PGAM1: variants seen among roughly 807,000 people sequenced by gnomAD.
PGAM1 encodes the protein phosphoglycerate mutase 1, also known as BPG-dependent PGAM 1.
Under a neutral mutation model 23.5 loss-of-function variants are expected in PGAM1, and 21 were observed. The observed-to-expected ratio is 0.89, with a 90% CI of 0.63 to 1.29. PGAM1 has a LOEUF of 1.29. Among genes scored for constraint, PGAM1 ranks in the 50% most tolerant of loss-of-function variants. The pLI is 0.00. For missense variants in PGAM1, 232 were observed against 336.3 expected (o/e 0.69, Z 2.42); for synonymous variants, 109 against 128.6 (o/e 0.85, Z 1.03).
At position 97,427,495 on chromosome 10, in the gene PGAM1, G is replaced by C. The variant is rs939739397; in HGVS notation, c.139+1049G>C. The C allele has an allele frequency of 4.9e-6, 5 of 1,026,014 alleles. No homozygotes were observed. In the African/African-American group the frequency reaches 6.9e-5, roughly 14 times the overall value. 63.6% of individuals were successfully genotyped at this position (1,026,014 alleles called of 1,614,324 possible). ...TATAGTTGGGAAAAGTGAGTATTTG[G>C]AAAGATGACTTGTCCAAGGTCATAT... On this transcript the variant is annotated intron_variant, in intron 1 of 3. Transcript: ENST00000334828.
rs1389904749 is a variant in PGAM1, at chr10:97,431,122, C to G, written c.582C>G (p.Val194=). 1.2e-6 allele frequency: 2 copies of G among 1,614,046 alleles called. No homozygotes were observed. The highest frequency in any genetic ancestry group is 1.3e-5 in the African/African-American group (1 of 74,922). Residue 194 remains valine, a synonymous_variant, in exon 3 of 4, where the codon GTC becomes GTG. Coordinates refer to ENST00000334828, the MANE Select transcript of PGAM1 (RefSeq NM_002629.4). The part of the protein sequence containing the change: ...AAHGNSLRGI[V]KHLEGLSEEA... Reference sequence around the variant, plus strand: ...ATGGCAACAGCCTCCGGGGCATTGTCAAGCATCTGGAGGGTATGTATGTTT... The same window carrying G: ...ATGGCAACAGCCTCCGGGGCATTGTGAAGCATCTGGAGGGTATGTATGTTT...
chr10:97,426,515 C>G (rs111558495), intron 1 of PGAM1, 69 bp downstream of exon 1: 1 of 1,486,504 alleles, frequency 6.7e-7, no homozygotes, highest in Non-Finnish European at 8.9e-7. Flanking sequence ...TGGCTGGCGT[C>G]TGCGCCCTCT....
chr10:97,430,992 C>T lies in PGAM1; in HGVS notation c.452C>T (p.Pro151Leu), dbSNP rs1589456865. 1 of 1,613,830 alleles carries T rather than the reference C, an allele frequency of 6.2e-7. No homozygotes were observed. Reference protein sequence around the residue: ...RYADLTEDQLPSCESLKDTIA... With the variant: ...RYADLTEDQLLSCESLKDTIA... ...GCAGACCTCACAGAAGATCAGCTAC[C>T]CTCCTGTGAGAGTCTGAAGGATACT... The change falls in exon 3 of 4, where the codon CCC (proline) becomes CTC (leucine). Residue 151 changes from proline (P) to leucine (L), a missense_variant. Pro to Leu is a moderately conservative substitution (Grantham distance 98, BLOSUM62 -3). Around this residue, in one of 3 missense-constraint regions of PGAM1, gnomAD observed 191 missense variants for 241.7 expected, o/e 0.79. Transcript: ENST00000334828.
intron 1 of PGAM1, among the ~76,000 whole-genome samples, chr10:97,428,319 C>T (rs555416142): frequency 8.5e-5 from 13 of 152,258 alleles, no homozygotes; most frequent in South Asian, 4.1e-4. Flanking sequence ...AGGGTTTGTA[C>T]AGCCTTGAAT....
chr10:97,431,171 G>C, intron 3 of PGAM1, 36 bp downstream of exon 3: 1 of 1,613,286 alleles, frequency 6.2e-7, no homozygotes, highest in Non-Finnish European at 8.5e-7. Context: ...CTCAAGGAAG[G>C]ATAAAGCAGA....
intron 1 of PGAM1, among the ~76,000 whole-genome samples, chr10:97,428,820 C>T (rs1845438594): frequency 6.6e-6 from 1 of 152,064 alleles, no homozygotes; most frequent in South Asian, 2.1e-4. Flanking sequence ...ATTAGTTCTC[C>T]CCAGCCCTCA....
intron 1 of PGAM1, among the ~76,000 whole-genome samples, chr10:97,428,402 G>T (rs1199953739): frequency 2.0e-5 from 3 of 152,172 alleles, no homozygotes; most frequent in African/African-American, 7.2e-5. Context: ...GGATGGCCTG[G>T]GGGAGGATGG....
At position 97,427,418 on chromosome 10, in the gene PGAM1, T is replaced by A. The variant is rs542860487; in HGVS notation, c.139+972T>A. 2.1e-4 allele frequency: 215 copies of A among 1,011,390 alleles called. 2 individuals carry two copies. The South Asian group carries it at 7.6e-3, about 36-fold the overall frequency. The allele number at this position is 1,011,390 out of a possible 1,614,324, so 62.7% of individuals were successfully genotyped here. A position where few individuals can be genotyped will look rare whatever the true frequency, so the allele number is the denominator to read the frequency against. On this transcript the variant is annotated intron_variant, in intron 1 of 3. Coordinates refer to ENST00000334828, the MANE Select transcript of PGAM1 (RefSeq NM_002629.4). ...AATGAATGATTCGAGTTGCTCCTTC[T>A]ACCCAATAAAGTAGATAAGATTTTA...
chr10:97,426,382 G>T lies in PGAM1; in HGVS notation c.75G>T (p.Trp25Cys). The T allele has an allele frequency of 1.9e-6, 3 of 1,607,832 alleles. No homozygotes were observed. The highest frequency in any genetic ancestry group is 2.5e-6 in the Non-Finnish European group (3 of 1,178,030). Residue 25 changes from tryptophan to cysteine, a missense_variant, in exon 1 of 4, where the codon TGG (tryptophan) becomes TGT (cysteine). Coordinates refer to ENST00000334828, the MANE Select transcript of PGAM1 (RefSeq NM_002629.4). ...ACCTGGAGAACCGCTTCAGCGGCTGGTACGACGCCGACCTGAGCCCGGCGG... is the reference window on the plus strand; with the variant it reads ...ACCTGGAGAACCGCTTCAGCGGCTGTTACGACGCCGACCTGAGCCCGGCGG... ...AWNLENRFSG[W>C]YDADLSPAGH...
intron 1 of PGAM1, chr10:97,427,922 C>T: frequency 7.8e-7 from 1 of 1,288,248 alleles, no homozygotes; most frequent in Non-Finnish European, 1.0e-6. Context: ...AAACGCAGGA[C>T]AGTCTGGTAA....
Position 97,430,621 on chromosome 10 carries a change from C to G in PGAM1, c.382C>G (p.Pro128Ala), listed in dbSNP as rs910386855. The G allele has an allele frequency of 1.2e-5, 20 of 1,602,694 alleles. No homozygotes were observed. The highest frequency in any genetic ancestry group is 1.7e-5 in the Admixed American group (1 of 60,012). The change falls in exon 2 of 4, where the codon CCC (proline) becomes GCC (alanine). Residue 128 changes from proline to alanine, a missense_variant. This residue lies in a region of PGAM1 where 191 missense variants were observed against 241.7 expected (regional missense o/e 0.79). Coordinates refer to ENST00000334828, the MANE Select transcript of PGAM1 (RefSeq NM_002629.4). ...SYDVPPPPME[P>A]DHPFYSNISK... ...TGATGTCCCACCACCTCCGATGGAG[C>G]CCGACCATCCTTTCTACAGCAACAT...
intron 1 of PGAM1, chr10:97,427,895 C>T: frequency 1.6e-6 from 2 of 1,289,380 alleles, no homozygotes; most frequent in Non-Finnish European, 2.0e-6. Context: ...ACTGTACCAT[C>T]CTTCTCAAAT....
In PGAM1 at chr10:97,430,592, C is replaced by T. The variant is rs779604858; in HGVS notation, c.353C>T (p.Ser118Phe). The change falls in exon 2 of 4, where the codon TCC (serine) becomes TTC (phenylalanine). Residue 118 changes from serine (S) to phenylalanine (F), a missense_variant. Ser to Phe is a radical substitution (Grantham distance 155, BLOSUM62 -2). Coordinates refer to ENST00000334828, the MANE Select transcript of PGAM1 (RefSeq NM_002629.4). ...GCCCAGGTGAAGATCTGGAGGCGCT[C>T]CTATGATGTCCCACCACCTCCGATG... is the stretch of plus-strand genomic sequence containing the variant. ...GEAQVKIWRR[S>F]YDVPPPPMEP... 5.0e-6 allele frequency: 8 copies of T among 1,601,866 alleles called. No homozygotes were observed. The South Asian group carries it at 7.7e-5, about 15-fold the overall frequency.
At chr10:97,430,843 TC>T in intron 2 of PGAM1, 111 bp from the exon 3 acceptor site, 1 of 1,517,632 alleles carries the variant, frequency 6.6e-7, no homozygotes, top group Non-Finnish European at 9.1e-7. Context: ...GTTTCCATAG[TC>T]AGATTTTATA....
In PGAM1 at chr10:97,430,507, C is replaced by T. The variant is rs749193986; in HGVS notation, c.268C>T (p.Arg90Trp). Residue 90 changes from arginine (R) to tryptophan (W), a missense_variant, in exon 2 of 4, where the codon CGG (arginine) becomes TGG (tryptophan). By Grantham distance (101) the Arg-to-Trp change is moderately radical (BLOSUM62 -3). Coordinates refer to ENST00000334828, the MANE Select transcript of PGAM1 (RefSeq NM_002629.4). The part of the protein sequence containing the change: ...PVVRTWRLNE[R>W]HYGGLTGLNK... ...GGTGAGGACTTGGCGCCTCAATGAG[C>T]GGCACTATGGGGGTCTAACCGGTCT... 3.7e-6 allele frequency: 6 copies of T among 1,601,130 alleles called. No individual in the cohort carries two copies. Among genetic ancestry groups the T allele is most frequent in the Admixed American group, 3.3e-5 (2 of 59,952 alleles).
intron 1 of PGAM1, chr10:97,427,547 C>T (rs1171953997): frequency 8.8e-7 from 1 of 1,140,192 alleles, no homozygotes; most frequent in Non-Finnish European, 1.1e-6. Context: ...TGTCCTCGCC[C>T]TAGTCCTGGG....
In PGAM1 at chr10:97,430,990, A is replaced by G. The variant is rs1397624730; in HGVS notation, c.450A>G (p.Leu150=). The change falls in exon 3 of 4, where the codon CTA becomes CTG. Residue 150 remains leucine (L), a synonymous_variant. Coordinates refer to ENST00000334828, the MANE Select transcript of PGAM1 (RefSeq NM_002629.4). ...ATGCAGACCTCACAGAAGATCAGCT[A>G]CCCTCCTGTGAGAGTCTGAAGGATA... ...RRYADLTEDQ[L]PSCESLKDTI... is the part of the protein sequence containing the mutation. The G allele has an allele frequency of 1.2e-6, 2 of 1,613,824 alleles. No homozygotes were observed. The highest frequency in any genetic ancestry group is 3.3e-5 in the Admixed American group (2 of 59,998).
chr10:97,430,325 T>C, intron 1 of PGAM1, 54 bp from the exon 2 acceptor site: 1 of 1,605,086 alleles, frequency 6.2e-7, no homozygotes, highest in Non-Finnish European at 8.5e-7. Flanking sequence ...CTGAAGAACA[T>C]TTTGGCTCAG....
intron 1 of PGAM1, among the ~76,000 whole-genome samples, chr10:97,428,421 C>G (rs1358269309): frequency 6.6e-6 from 1 of 152,144 alleles, no homozygotes; most frequent in Non-Finnish European, 1.5e-5. Flanking sequence ...GGAGTCCACA[C>G]CACACTGTCC....
Sources: allele counts gnomAD v4.1 joint callset (sites outside exome capture counted in the v4.1 genomes callset), GRCh38; gene constraint gnomAD v4.1.1; regional missense constraint gnomAD v4.1.1; transcripts MANE v1.5; gene names NCBI Gene and HGNC (gene_info 2026-07-23, HGNC 2026-07-21).